MACROD2: variants seen among roughly 807,000 people sequenced by gnomAD.
The protein encoded by MACROD2 is ADP-ribose glycohydrolase MACROD2.
Under a neutral mutation model 70.4 loss-of-function variants are expected in MACROD2, and 36 were observed. That is an observed-to-expected ratio of 0.51 (90% CI 0.39 to 0.68). The LOEUF is 0.68. Among genes scored for constraint, MACROD2 ranks in the 30% least tolerant of loss-of-function variants. The probability of loss-of-function intolerance (pLI) is 0.00; values close to 1 mark genes in which losing one functional copy is unlikely to be tolerated. For missense variants in MACROD2, 496 were observed against 538.4 expected, an observed-to-expected ratio of 0.92 and a Z score of 0.78; for synonymous variants, 172 against 178.8, an observed-to-expected ratio of 0.96 and a Z score of 0.30.
chr20:15,979,843 T>C (rs1282028755), intron 13 of MACROD2, among the ~76,000 whole-genome samples: 2 of 152,158 alleles, frequency 1.3e-5, no homozygotes, highest in African/African-American at 4.8e-5. Context: ...CTGTATTTAG[T>C]ATGTGTCCTA....
intron 3 of MACROD2, among the ~76,000 whole-genome samples, chr20:14,193,968 A>T (rs2148741543): frequency 6.6e-6 from 1 of 152,322 alleles, no homozygotes; most frequent in South Asian, 2.1e-4. Flanking sequence ...ACAGAATTTT[A>T]TTGGAAGAAG....
intron 3 of MACROD2, among the ~76,000 whole-genome samples, chr20:14,332,782 T>C (rs1019733627): frequency 7.9e-5 from 12 of 152,094 alleles, no homozygotes; most frequent in Non-Finnish European, 1.6e-4. Context: ...GTATCCAACT[T>C]TGTGAATATT....
At chr20:15,602,117 A>T (rs2048830139) in intron 8 of MACROD2, among the ~76,000 whole-genome samples, 1 of 152,178 alleles carries the variant, frequency 6.6e-6, no homozygotes, top group Non-Finnish European at 1.5e-5. Context: ...ACACTGTCTA[A>T]ATCCCTCACT....
intron 3 of MACROD2, among the ~76,000 whole-genome samples, chr20:14,423,558 C>A (rs1036879709): frequency 6.6e-6 from 1 of 151,022 alleles, no homozygotes; most frequent in African/African-American, 2.4e-5. Flanking sequence ...AAATTAACCG[C>A]GCATGGTGGC....
intron 5 of MACROD2, among the ~76,000 whole-genome samples, chr20:15,061,305 C>A (rs1008913222): frequency 2.6e-5 from 4 of 152,168 alleles, no homozygotes; most frequent in African/African-American, 4.8e-5. Flanking sequence ...GCAGCAGGAA[C>A]CTTTCACCCA....
chr20:15,236,682 C>T (rs1003738900), intron 6 of MACROD2, among the ~76,000 whole-genome samples: 50 of 152,154 alleles, frequency 3.3e-4, no homozygotes, highest in African/African-American at 1.2e-3. Flanking sequence ...TGATGCATAT[C>T]GTGATTCTGT....
chr20:15,159,115 A>C (rs1435174127), intron 5 of MACROD2, among the ~76,000 whole-genome samples: 3 of 152,170 alleles, frequency 2.0e-5, no homozygotes, highest in African/African-American at 7.2e-5. Flanking sequence ...TTGTAACATA[A>C]TTTTATTACG....
At chr20:14,042,592 G>A (rs181147640) in intron 2 of MACROD2, among the ~76,000 whole-genome samples, 1 of 152,090 alleles carries the variant, frequency 6.6e-6, no homozygotes, top group East Asian at 1.9e-4. Context: ...TGCAACCTCC[G>A]CCTCCTGGGT....
chr20:14,674,396 GA>G (rs1167601409), intron 4 of MACROD2, among the ~76,000 whole-genome samples: 1 of 152,076 alleles, frequency 6.6e-6, no homozygotes, highest in Non-Finnish European at 1.5e-5. Flanking sequence ...ATTTTATCAT[GA>G]TTAAATGAGA....
Position 15,695,786 on chromosome 20 carries a change from C to T in MACROD2, c.646-166959C>T, listed in dbSNP as rs199685125. Among the ~76,000 whole-genome samples the T allele has an allele frequency of 2.4e-3, 334 of 139,496 alleles. 3 individuals are homozygous for T. Among genetic ancestry groups the T allele is most frequent in the African/African-American group, 9.0e-3 (300 of 33,240 alleles). 91.5% of individuals were successfully genotyped at this position (139,496 alleles called of 152,430 possible). On this transcript the variant is annotated intron_variant, in intron 8 of 17. Coordinates refer to ENST00000684519, the MANE Select transcript of MACROD2 (RefSeq NM_001351661.2). ...GACTCCTTTGTTAGGCATATTCCTG[C>T]GTATTTTTTTTTCAGCTATTATAAT...
At chr20:15,810,784 A>G (rs919592133) in intron 8 of MACROD2, among the ~76,000 whole-genome samples, 2 of 152,116 alleles carry the variant, frequency 1.3e-5, no homozygotes, top group African/African-American at 4.8e-5. Flanking sequence ...ATAATGCCGC[A>G]TATCTACAAC....
At chr20:14,795,099 G>A (rs2072495366) in intron 5 of MACROD2, among the ~76,000 whole-genome samples, 1 of 152,084 alleles carries the variant, frequency 6.6e-6, no homozygotes, top group Non-Finnish European at 1.5e-5. Flanking sequence ...TGCACAGGGA[G>A]AGGAGAGAGA....
At chr20:15,869,834 A>G (rs569019687) in intron 9 of MACROD2, among the ~76,000 whole-genome samples, 1 of 152,156 alleles carries the variant, frequency 6.6e-6, no homozygotes, top group African/African-American at 2.4e-5. Flanking sequence ...ATGTCTAGCT[A>G]AAATGCATAC....
At position 14,976,120 on chromosome 20, in the gene MACROD2, ATTG is replaced by A. The variant is rs373851527; in HGVS notation, c.419-253815_419-253813del. 2.0e-3 allele frequency among the ~76,000 whole-genome samples: 309 copies of A among 152,194 alleles called. 1 individual carries two copies. The highest frequency in any genetic ancestry group is 7.0e-3 in the African/African-American group (290 of 41,518). On this transcript the variant is annotated intron_variant, in intron 5 of 17. Transcript: ENST00000684519. Reference sequence around the variant, plus strand: ...AGTGCTTCTCTGATCCTTTCAAAGGATTGTTGTGCAGTTGTTTTTCTCATTTTT... The same window carrying A: ...AGTGCTTCTCTGATCCTTTCAAAGGATTGTGCAGTTGTTTTTCTCATTTTT...
chr20:14,951,183 T>C (rs1036010437), intron 5 of MACROD2, among the ~76,000 whole-genome samples: 1 of 152,094 alleles, frequency 6.6e-6, no homozygotes, highest in Admixed American at 6.5e-5. Flanking sequence ...CAGCCCTGAA[T>C]GTATGGTTTC....
intron 5 of MACROD2, among the ~76,000 whole-genome samples, chr20:14,995,955 G>A (rs382688): frequency 0.021 from 3,242 of 152,194 alleles, 66 homozygotes; most frequent in Admixed American, 0.047. Context: ...GGTAATAAAG[G>A]TAAGATAAAA....
At chr20:15,975,877 C>T (rs1340732337) in intron 13 of MACROD2, among the ~76,000 whole-genome samples, 1 of 152,044 alleles carries the variant, frequency 6.6e-6, no homozygotes, top group East Asian at 1.9e-4. Flanking sequence ...TAAGAGAAAA[C>T]CAAGGATGTC....
chr20:14,894,766 T>A (rs2073807429), intron 5 of MACROD2: 1 of 152,238 alleles, frequency 6.6e-6, no homozygotes. Context: ...ATTAACATTT[T>A]ATCATATTGA....
intron 3 of MACROD2, among the ~76,000 whole-genome samples, chr20:14,276,076 T>G (rs1185485649): frequency 6.6e-6 from 1 of 151,944 alleles, no homozygotes; most frequent in East Asian, 1.9e-4. Context: ...TGGCGATTCC[T>G]CAGGGATCTA....
Sources: allele counts gnomAD v4.1 joint callset (sites outside exome capture counted in the v4.1 genomes callset), GRCh38; gene constraint gnomAD v4.1.1; transcripts MANE v1.5; gene names NCBI Gene and HGNC (gene_info 2026-07-23, HGNC 2026-07-21).